Variants in LRRC7 observed in about 807,000 individuals in gnomAD.
LRRC7 encodes leucine-rich repeat-containing protein 7.
In LRRC7, 23 loss-of-function variants were observed where a neutral mutation model predicts 175.7. The ratio of observed to expected loss-of-function variants is 0.13; its 90% CI spans 0.09 to 0.19. The LOEUF (loss-of-function observed/expected upper bound fraction) is 0.19. Ranked by LOEUF, LRRC7 falls within the 10% of genes least tolerant of loss-of-function variation. The pLI, the probability that LRRC7 is intolerant of heterozygous loss-of-function variation, is 1.00. For synonymous variants in LRRC7, 685 were observed against 680.9 expected (o/e 1.01, Z -0.09); for missense variants, 1,354 against 1,904.7 (o/e 0.71, Z 5.38).
intron 25 of LRRC7, among the ~76,000 whole-genome samples, chr1:70,104,513 T>C (rs1324078542): frequency 6.6e-6 from 1 of 152,184 alleles, no homozygotes; most frequent in East Asian, 1.9e-4. Flanking sequence ...CTTGGATTAA[T>C]GTGGCAGTAT....
intron 1 of LRRC7, among the ~76,000 whole-genome samples, chr1:69,592,902 A>G (rs1234851519): frequency 6.6e-6 from 1 of 152,056 alleles, no homozygotes; most frequent in Non-Finnish European, 1.5e-5. Context: ...AAACCTGGGA[A>G]TCCTGACACT....
rs780109772 is a variant in LRRC7 at position 70,038,639 on chromosome 1, C to T, written c.2815C>T (p.Pro939Ser). 1 of 1,614,116 alleles carries T rather than the reference C, an allele frequency of 6.2e-7. No homozygotes were observed. The highest frequency in any genetic ancestry group is 1.7e-5 in the Admixed American group (1 of 60,018). ...ACCATGGGAGTATCATGATTCCAAT[C>T]CCAACAGGAGTCTTAGTAATGTCTT... ...GVPWEYHDSN[P>S]NRSLSNVFSQ... Residue 939 changes from proline (P) to serine (S), a missense_variant, in exon 21 of 27, where the codon CCC becomes TCC. Pro to Ser is a moderately conservative substitution (Grantham distance 74). Coordinates refer to ENST00000651989, the MANE Select transcript of LRRC7 (RefSeq NM_001370785.2).
intron 1 of LRRC7, among the ~76,000 whole-genome samples, chr1:69,649,480 T>G (rs1039831170): frequency 2.0e-5 from 3 of 152,204 alleles, no homozygotes; most frequent in Non-Finnish European, 4.4e-5. Flanking sequence ...TTTTGAAGAT[T>G]TGTGTATGAC....
At chr1:69,764,569 G>A (rs1226585556) in intron 3 of LRRC7, among the ~76,000 whole-genome samples, 1 of 151,896 alleles carries the variant, frequency 6.6e-6, no homozygotes, top group Admixed American at 6.6e-5. Context: ...AAGAACCAAA[G>A]CTTTTGACCC....
At chr1:69,982,061 C>T (rs1653492297) in intron 9 of LRRC7, among the ~76,000 whole-genome samples, 1 of 152,160 alleles carries the variant, frequency 6.6e-6, no homozygotes, top group Non-Finnish European at 1.5e-5. Context: ...ATAGAAGGTA[C>T]AAATGAGAAT....
intron 1 of LRRC7, among the ~76,000 whole-genome samples, chr1:69,621,367 A>G (rs1650572179): frequency 6.6e-6 from 1 of 152,168 alleles, no homozygotes; most frequent in South Asian, 2.1e-4. Context: ...TTTATAGAGA[A>G]AAATGACTGT....
chr1:70,081,016 C>T lies in LRRC7; in HGVS notation c.4452+4718C>T, dbSNP rs375037221. Among the ~76,000 whole-genome samples, 588 of 152,258 alleles carry T rather than the reference C, an allele frequency of 3.9e-3. 4 individuals are homozygous for T. Among genetic ancestry groups the T allele is most frequent in the African/African-American group, 0.013 (556 of 41,548 alleles). On this transcript the variant is annotated intron_variant, in intron 24 of 26. Coordinates refer to ENST00000651989, the MANE Select transcript of LRRC7 (RefSeq NM_001370785.2). ...ATGCTTTATATAAATTGTTCTTAACCGCAGCTGCAGAATCTGTTGAGGGGC... is the reference window on the plus strand; with the variant it reads ...ATGCTTTATATAAATTGTTCTTAACTGCAGCTGCAGAATCTGTTGAGGGGC...
chr1:69,663,398 C>T (rs1657768155), intron 1 of LRRC7, among the ~76,000 whole-genome samples: 2 of 152,072 alleles, frequency 1.3e-5, no homozygotes. Context: ...TATTTTGATA[C>T]CGGCATGCAA....
At position 69,960,974 on chromosome 1, in the gene LRRC7, C is replaced by A. The variant is rs140413058; in HGVS notation, c.712-19405C>A. ...CCTATTCAACATAGTATTGGAATTT[C>A]TGGCTGGGGCAATCAGGCAAGAGAA... On this transcript the variant is annotated intron_variant, in intron 8 of 26. Transcript: ENST00000651989. Among the ~76,000 whole-genome samples, 695 of 152,236 alleles carry A rather than the reference C, an allele frequency of 4.6e-3. 8 individuals are homozygous for A. Among genetic ancestry groups the A allele is most frequent in the African/African-American group, 0.016 (644 of 41,544 alleles).
At chr1:70,081,089 T>G (rs921007339) in intron 24 of LRRC7, among the ~76,000 whole-genome samples, 30 of 152,204 alleles carry the variant, frequency 2.0e-4, no homozygotes, top group African/African-American at 6.5e-4. Flanking sequence ...AAACTGATTT[T>G]AATAGGCTGC....
intron 1 of LRRC7, among the ~76,000 whole-genome samples, chr1:69,613,978 TATA>T (rs1250234881): frequency 1.3e-5 from 2 of 151,894 alleles, no homozygotes; most frequent in East Asian, 3.9e-4. Context: ...AATAAGAAAA[TATA>T]ATAATATTTA....
At chr1:70,069,598 T>G (rs1038795511) in intron 23 of LRRC7, among the ~76,000 whole-genome samples, 2 of 152,214 alleles carry the variant, frequency 1.3e-5, no homozygotes, top group African/African-American at 4.8e-5. Flanking sequence ...ATTTCCTTCT[T>G]GCTTGCTTCT....
Position 69,900,078 on chromosome 1 carries a change from C to A in LRRC7, c.648-31429C>A, listed in dbSNP as rs932015817. On this transcript the variant is annotated intron_variant, in intron 7 of 26. Coordinates refer to ENST00000651989, the MANE Select transcript of LRRC7 (RefSeq NM_001370785.2). ...ATATTATTATTTTGTCTTTTTCCAACTATTTAAAAACGTAAAAACCATTCC... is the reference window on the plus strand; with the variant it reads ...ATATTATTATTTTGTCTTTTTCCAAATATTTAAAAACGTAAAAACCATTCC... Among the ~76,000 whole-genome samples the A allele has an allele frequency of 5.3e-5, 8 of 152,214 alleles. No homozygotes were observed. The South Asian group carries it at 1.2e-3, about 24-fold the overall frequency.
At chr1:69,917,630 T>TA (rs1365807025) in intron 7 of LRRC7, among the ~76,000 whole-genome samples, 2 of 152,092 alleles carry the variant, frequency 1.3e-5, no homozygotes, top group Non-Finnish European at 2.9e-5. Context: ...CTAAACATCT[T>TA]AGAGTGCACA....
At chr1:69,821,601 A>C (rs140218680) in intron 4 of LRRC7, among the ~76,000 whole-genome samples, 1 of 152,150 alleles carries the variant, frequency 6.6e-6, no homozygotes, top group East Asian at 1.9e-4. Context: ...CAGTTTGGTT[A>C]CTAGAAAATT....
intron 4 of LRRC7, among the ~76,000 whole-genome samples, chr1:69,798,346 T>G (rs1402125839): frequency 2.6e-5 from 4 of 152,192 alleles, no homozygotes; most frequent in African/African-American, 9.6e-5. Context: ...TCTTTTTACC[T>G]GGTTCAATCG....
chr1:70,095,810 T>G (rs1664344484), intron 25 of LRRC7, among the ~76,000 whole-genome samples: 2 of 152,188 alleles, frequency 1.3e-5, no homozygotes, highest in Non-Finnish European at 2.9e-5. Context: ...TAAACATTTT[T>G]TAATCAAAAT....
rs1301826051 is a variant in LRRC7 at position 70,143,206 on chromosome 1, T to A, written c.*21319T>A. ...AAATGAAGAGTCTCTAGACTTTTTT[T>A]TTTTTTTTAATGATCTCTGACTTCA... On this transcript the variant is annotated 3_prime_UTR_variant, in exon 27 of 27. Transcript: ENST00000651989. The A allele has an allele frequency of 1.3e-5, 2 of 151,896 alleles. No homozygotes were observed. The highest frequency in any genetic ancestry group is 2.9e-5 in the Non-Finnish European group (2 of 67,956). The allele number at this position is 151,896 out of a possible 1,614,324, so 9.4% of individuals were successfully genotyped here. A position where few individuals can be genotyped will look rare whatever the true frequency, so the allele number is the denominator to read the frequency against.
intron 2 of LRRC7, chr1:69,716,028 G>A (rs1665310727): frequency 2.6e-6 from 1 of 382,486 alleles, no homozygotes; most frequent in South Asian, 1.4e-4. Context: ...AATTAGGGAA[G>A]CATCTGATTA....
Sources: gnomAD v4.1 joint callset for allele counts (sites outside exome capture counted in the v4.1 genomes callset) on GRCh38, gnomAD v4.1.1 for gene constraint, MANE v1.5 for transcripts, NCBI Gene and HGNC (gene_info 2026-07-23, HGNC 2026-07-21) for gene names.